NFATC4: variants seen among roughly 807,000 people sequenced by gnomAD.
NFATC4 encodes the protein nuclear factor of activated T-cells, cytoplasmic 4.
NFATC4 carries 25 observed loss-of-function variants against 73.4 expected under a neutral mutation model. That is an observed-to-expected ratio of 0.34 (90% CI 0.25 to 0.48). The LOEUF (loss-of-function observed/expected upper bound fraction) is 0.48. NFATC4 is among the 20% of genes least tolerant of loss of function. The probability of loss-of-function intolerance (pLI) is 0.99; values close to 1 mark genes in which losing one functional copy is unlikely to be tolerated. For synonymous variants in NFATC4, 523 were observed against 510.3 expected, an observed-to-expected ratio of 1.02 and a Z score of -0.34; for missense variants, 1,130 against 1,203.7, an observed-to-expected ratio of 0.94 and a Z score of 0.91.
At chr14:24,367,056 T>G (rs546949209), upstream of NFATC4, 18 of 1,613,284 alleles carry the variant, frequency 1.1e-5, no homozygotes, top group African/African-American at 2.0e-4. Flanking sequence ...TGGGAGAAAA[T>G]GATAACCACC....
At chr14:24,372,349 C>T in intron 2 of NFATC4, 92 bp from the exon 3 acceptor site, 1 of 1,358,858 alleles carries the variant, frequency 7.4e-7, no homozygotes, top group Non-Finnish European at 1.0e-6. Flanking sequence ...TCCTTTCTCT[C>T]AGACCCATAC....
At chr14:24,368,843 C>G (rs1340063903) in intron 1 of NFATC4, among the ~76,000 whole-genome samples, 1 of 152,032 alleles carries the variant, frequency 6.6e-6, no homozygotes, top group Non-Finnish European at 1.5e-5. Context: ...TGTCAGGCCT[C>G]GCTGGGGCGC....
intron 2 of NFATC4, 139 bp from the exon 3 acceptor site, chr14:24,372,302 A>T: frequency 3.4e-6 from 3 of 878,538 alleles, no homozygotes; most frequent in East Asian, 2.7e-5. Context: ...CCTTCTTTTC[A>T]CAAGTGTTAA....
chr14:24,374,110 T>C (rs1432343646), intron 5 of NFATC4: 1 of 889,506 alleles, frequency 1.1e-6, no homozygotes, highest in African/African-American at 1.6e-5. Flanking sequence ...TTTGGGAAAC[T>C]CCCTGGTCTA....
upstream of NFATC4, chr14:24,367,088 A>C: frequency 6.2e-7 from 1 of 1,613,688 alleles, no homozygotes. Context: ...CCTACCCGCC[A>C]GCCTCGCCAG....
At position 24,372,537 on chromosome 14, in the gene NFATC4, C is replaced by T; in HGVS notation, c.1293C>T (p.Ala431=). The T allele has an allele frequency of 6.2e-7, 1 of 1,614,128 alleles. No individual in the cohort carries two copies. ...TACAGCCTAGAGCCCACCACCGGGC[C>T]CACTATGAGACAGAAGGCAGCCGTG... ...IEVQPRAHHR[A]HYETEGSRGA... The change falls in exon 3 of 10, where the codon GCC becomes GCT. Residue 431 remains alanine (A), a synonymous_variant. Coordinates refer to ENST00000250373, the MANE Select transcript of NFATC4 (RefSeq NM_004554.5).
rs2042360165 is a variant in NFATC4, at chr14:24,368,267, C to A, written c.-74C>A. On this transcript the variant is annotated 5_prime_UTR_variant, in exon 1 of 10. Transcript: ENST00000250373. ...AGAGAAAGGGAGGGAGGGAGCCACC[C>A]GGGTGAAGATACAGCAGCCTCCTGA... 1.5e-6 allele frequency: 2 copies of A among 1,353,942 alleles called. No individual in the cohort carries two copies. The highest frequency in any genetic ancestry group is 1.9e-6 in the Non-Finnish European group (2 of 1,050,826). 83.9% of individuals were successfully genotyped at this position (1,353,942 alleles called of 1,614,324 possible).
chr14:24,374,024 T>A, intron 5 of NFATC4, 157 bp downstream of exon 5: 1 of 1,125,162 alleles, frequency 8.9e-7, no homozygotes, highest in African/African-American at 1.5e-5. Context: ...AGTTTGCCCC[T>A]GCCACAGACT....
rs1480105260 is a variant in NFATC4, at chr14:24,370,157, T to A, written c.759T>A (p.Pro253=). 8 of 1,604,004 alleles carry A rather than the reference T, an allele frequency of 5.0e-6. No homozygotes were observed. Among genetic ancestry groups the A allele is most frequent in the Non-Finnish European group, 6.8e-6 (8 of 1,179,686 alleles). The change falls in exon 2 of 10, where the codon CCT becomes CCA. Residue 253 remains proline, a synonymous_variant. Coordinates refer to ENST00000250373, the MANE Select transcript of NFATC4 (RefSeq NM_004554.5). ...PEDSWLLLSA[P]GPTPASPRPA... ...ATAGCTGGCTACTCCTCAGTGCTCCTGGGCCCACCCCAGCCTCCCCGCGGC... is the reference window on the plus strand; with the variant it reads ...ATAGCTGGCTACTCCTCAGTGCTCCAGGGCCCACCCCAGCCTCCCCGCGGC...
At position 24,377,662 on chromosome 14, in the gene NFATC4, T is replaced by A; in HGVS notation, c.2666T>A (p.Leu889Gln). 1 of 1,614,186 alleles carries A rather than the reference T, an allele frequency of 6.2e-7. No individual in the cohort carries two copies. The highest frequency in any genetic ancestry group is 8.5e-7 in the Non-Finnish European group (1 of 1,180,018). The stretch of plus-strand genomic sequence containing the variant: ...GTGAGTGAGATCATTGGCCGAGACC[T>A]GAGTGGCTTCCCTGCACCTCCTGGA... ...EEVSEIIGRD[L>Q]SGFPAPPGEE... The change falls in exon 10 of 10, where the codon CTG (leucine) becomes CAG (glutamine). Residue 889 changes from leucine to glutamine, a missense_variant. Physicochemically the swap from Leu to Gln is moderately radical, Grantham distance 113 (BLOSUM62 -2). Around this residue, in one of 3 missense-constraint regions of NFATC4, gnomAD observed 390 missense variants for 408.1 expected, o/e 0.96. Coordinates refer to ENST00000250373, the MANE Select transcript of NFATC4 (RefSeq NM_004554.5). This position sits in a 1 kb window ranked among gnomAD's most constrained non-coding sequence, Gnocchi z 4.2.
chr14:24,373,551 A>G lies in NFATC4; in HGVS notation c.1560-144A>G. 1 of 1,380,526 alleles carries G rather than the reference A, an allele frequency of 7.2e-7. No individual in the cohort carries two copies. The allele number at this position is 1,380,526 out of a possible 1,614,324, so 85.5% of individuals were successfully genotyped here. On this transcript the variant is annotated intron_variant, in intron 4 of 9. Transcript: ENST00000250373. The surrounding 1 kb of genome is among the most constrained non-coding windows in gnomAD (Gnocchi z 4.7). ...GGGTTGGGGGTACCCCAGAGAGGCC[A>G]TCTCTGGGTTAGAAAATAGCCTCCT...
chr14:24,376,511 C>T lies in NFATC4; in HGVS notation c.2274C>T (p.Tyr758=). The T allele has an allele frequency of 6.2e-7, 1 of 1,613,930 alleles. No homozygotes were observed. Among genetic ancestry groups the T allele is most frequent in the Non-Finnish European group, 8.5e-7 (1 of 1,179,912 alleles). ...CCCAGACGGGGCCCCCACCATCCTA[C>T]AGACCGGGCCTGCGGATGTTCCCTG... is the stretch of plus-strand genomic sequence containing the variant. ...LYPQTGPPPS[Y]RPGLRMFPET... Residue 758 remains tyrosine (Y), a synonymous_variant, in exon 9 of 10, where the codon TAC becomes TAT. Coordinates refer to ENST00000250373, the MANE Select transcript of NFATC4 (RefSeq NM_004554.5). This position sits in a 1 kb window ranked among gnomAD's most constrained non-coding sequence, Gnocchi z 5.0.
In NFATC4 at chr14:24,377,874, G is replaced by A. The variant is rs941286494; in HGVS notation, c.*169G>A. ...CCTCCCCTCCCCCAGCTGAGGTGTG[G>A]CCCTCAGGCCTGGTGCTGCCTTGGA... On this transcript the variant is annotated 3_prime_UTR_variant, in exon 10 of 10. Transcript: ENST00000250373. The surrounding 1 kb of genome is among the most constrained non-coding windows in gnomAD (Gnocchi z 4.2). The A allele has an allele frequency of 7.4e-7, 1 of 1,359,980 alleles. No individual in the cohort carries two copies. The highest frequency in any genetic ancestry group is 1.4e-5 in the South Asian group (1 of 69,840). 84.2% of individuals were successfully genotyped at this position (1,359,980 alleles called of 1,614,324 possible).
Position 24,369,883 on chromosome 14 carries a change from G to T in NFATC4, c.485G>T (p.Gly162Val). The T allele has an allele frequency of 6.2e-7, 1 of 1,611,240 alleles. No homozygotes were observed. Among genetic ancestry groups the T allele is most frequent in the Non-Finnish European group, 8.5e-7 (1 of 1,179,152 alleles). Reference protein sequence around the residue: ...FGGYREAGGQGGGAFFSPSPG... With the variant: ...FGGYREAGGQVGGAFFSPSPG... ...GGCTACAGAGAAGCAGGGGGCCAGG[G>T]TGGGGGGGCCTTCTTCAGCCCAAGC... The change falls in exon 2 of 10, where the codon GGT (glycine) becomes GTT (valine). Residue 162 changes from glycine (G) to valine (V), a missense_variant. By Grantham distance (109) the Gly-to-Val change is moderately radical. Coordinates refer to ENST00000250373, the MANE Select transcript of NFATC4 (RefSeq NM_004554.5).
chr14:24,371,514 T>C (rs1386070159), intron 2 of NFATC4, among the ~76,000 whole-genome samples: 1 of 152,160 alleles, frequency 6.6e-6, no homozygotes, highest in Non-Finnish European at 1.5e-5. Flanking sequence ...CCAGTTGAGA[T>C]CCACTGTCCT....
In NFATC4 at chr14:24,377,816, CT is replaced by C; in HGVS notation, c.*114del. 1 of 1,566,294 alleles carries C rather than the reference CT, an allele frequency of 6.4e-7. No homozygotes were observed. Among genetic ancestry groups the C allele is most frequent in the South Asian group, 1.2e-5 (1 of 86,378 alleles). ...AAGCTTGGGGCCAACCCTGGCTCCT[CT>C]TTCCCCAGCTTCTGTCTGTCTCACT... On this transcript the variant is annotated 3_prime_UTR_variant, in exon 10 of 10. Transcript: ENST00000250373. This position sits in a 1 kb window ranked among gnomAD's most constrained non-coding sequence, Gnocchi z 4.2.
rs147385533 is a variant in NFATC4 at position 24,373,815 on chromosome 14, G to C, written c.1680G>C (p.Gln560His). The change falls in exon 5 of 10, where the codon CAG (glutamine) becomes CAC (histidine). Residue 560 changes from glutamine to histidine, a missense_variant. This residue lies in a region of NFATC4 where 155 missense variants were observed against 221.2 expected (regional missense o/e 0.70). Transcript: ENST00000250373. This position sits in a 1 kb window ranked among gnomAD's most constrained non-coding sequence, Gnocchi z 4.7. ...TGGTGTTCCGGGTACACGTGCCCCA[G>C]GGCGGCGGGAAGGTCGTCTCAGTAC... is the stretch of plus-strand genomic sequence containing the variant. The part of the protein sequence containing the change: ...VRLVFRVHVP[Q>H]GGGKVVSVQA... 3 of 1,614,122 alleles carry C rather than the reference G, an allele frequency of 1.9e-6. No homozygotes were observed. Among genetic ancestry groups the C allele is most frequent in the Non-Finnish European group, 2.5e-6 (3 of 1,180,024 alleles).
chr14:24,372,653 T>C, intron 3 of NFATC4, 50 bp downstream of exon 3: 1 of 1,607,882 alleles, frequency 6.2e-7, no homozygotes, highest in Non-Finnish European at 8.5e-7. Flanking sequence ...CCCAGATAGG[T>C]TCCAGCTATG....
chr14:24,375,999 G>C lies in NFATC4; in HGVS notation c.1954G>C (p.Glu652Gln). Reference protein sequence around the residue: ...NEVTLTLTVPEYSNKRVSRPV... With the variant: ...NEVTLTLTVPQYSNKRVSRPV... ...GGTGACGCTGACCCTGACTGTCCCC[G>C]AGTACAGCAACAAGAGGGTTTCCCG... The change falls in exon 8 of 10, where the codon GAG becomes CAG. Residue 652 changes from glutamate to glutamine, a missense_variant. Glu to Gln is a conservative substitution (Grantham distance 29). This residue lies in a region of NFATC4 where 390 missense variants were observed against 408.1 expected (regional missense o/e 0.96). Transcript: ENST00000250373. 1 of 1,613,960 alleles carries C rather than the reference G, an allele frequency of 6.2e-7. No individual in the cohort carries two copies. Among genetic ancestry groups the C allele is most frequent in the Non-Finnish European group, 8.5e-7 (1 of 1,179,956 alleles).
Sources: allele counts gnomAD v4.1 joint callset (sites outside exome capture counted in the v4.1 genomes callset), GRCh38; gene constraint gnomAD v4.1.1; regional missense constraint gnomAD v4.1.1; non-coding constraint Gnocchi (gnomAD v3.1); transcripts MANE v1.5; gene names NCBI Gene and HGNC (gene_info 2026-07-23, HGNC 2026-07-21).